Variants in PTTG1IP2 observed in about 807,000 individuals in gnomAD.
PTTG1IP2 encodes the protein PTTG1IP family member 2.
chr7:90,490,546 T>C (rs1797927012), intron 4 of PTTG1IP2, among the ~76,000 whole-genome samples: 1 of 152,076 alleles, frequency 6.6e-6, no homozygotes, highest in African/African-American at 2.4e-5. Flanking sequence ...CTTTTCCTTA[T>C]TAACATACAA....
intron 2 of PTTG1IP2, among the ~76,000 whole-genome samples, chr7:90,482,930 CA>C (rs1247671116): frequency 6.6e-6 from 1 of 152,124 alleles, no homozygotes; most frequent in East Asian, 1.9e-4. Context: ...TTATCTATTG[CA>C]CAGTTCATAG....
intron 6 of PTTG1IP2, among the ~76,000 whole-genome samples, chr7:90,509,077 T>C (rs925955120): frequency 2.6e-5 from 4 of 151,048 alleles, no homozygotes; most frequent in Non-Finnish European, 4.4e-5. Flanking sequence ...AAAGATGACA[T>C]GGAAATATAG....
intron 2 of PTTG1IP2, among the ~76,000 whole-genome samples, chr7:90,481,059 G>A (rs1213532933): frequency 6.6e-6 from 1 of 152,108 alleles, no homozygotes; most frequent in Non-Finnish European, 1.5e-5. Flanking sequence ...ATGCTGAGAG[G>A]CCCTTCATTA....
intron 6 of PTTG1IP2, among the ~76,000 whole-genome samples, chr7:90,497,765 C>T (rs1179664869): frequency 7.4e-6 from 1 of 134,838 alleles, no homozygotes; most frequent in African/African-American, 2.9e-5. Flanking sequence ...AAGAAGAAGC[C>T]GAAGTATATG....
chr7:90,491,254 A>G (rs558714381), intron 4 of PTTG1IP2, among the ~76,000 whole-genome samples: 2 of 152,362 alleles, frequency 1.3e-5, no homozygotes, highest in South Asian at 2.1e-4. Flanking sequence ...ATTGTCATCT[A>G]TTCTTTTAGC....
intron 6 of PTTG1IP2, among the ~76,000 whole-genome samples, chr7:90,497,744 A>AAAAAAAAAAAAAG (rs1562988278): frequency 7.6e-6 from 1 of 132,408 alleles, no homozygotes; most frequent in African/African-American, 3.2e-5. Flanking sequence ...AAAAAAAAAA[A>AAAAAAAAAAAAAG]GAAGAAGAAG....
At chr7:90,501,352 TAAA>T (rs1170961671) in intron 6 of PTTG1IP2, among the ~76,000 whole-genome samples, 2 of 152,182 alleles carry the variant, frequency 1.3e-5, no homozygotes, top group Non-Finnish European at 2.9e-5. Context: ...GTATTATGTC[TAAA>T]AAACAACATA....
chr7:90,501,992 C>T (rs1310448758), intron 6 of PTTG1IP2, among the ~76,000 whole-genome samples: 1 of 152,054 alleles, frequency 6.6e-6, no homozygotes, highest in Non-Finnish European at 1.5e-5. Context: ...TATTCTAAAC[C>T]CTTTGTAGTC....
chr7:90,493,232 T>C (rs1797959152), intron 5 of PTTG1IP2, among the ~76,000 whole-genome samples: 1 of 152,176 alleles, frequency 6.6e-6, no homozygotes, highest in African/African-American at 2.4e-5. Flanking sequence ...GGACCCATAC[T>C]TTGAGGTTGC....
At chr7:90,501,787 C>T (rs1798064741) in intron 6 of PTTG1IP2, among the ~76,000 whole-genome samples, 1 of 152,140 alleles carries the variant, frequency 6.6e-6, no homozygotes, top group Non-Finnish European at 1.5e-5. Context: ...GCAGCCTGAT[C>T]AGGGTGGTGG....
chr7:90,486,429 C>T (rs1020722588), intron 2 of PTTG1IP2, among the ~76,000 whole-genome samples: 9 of 150,730 alleles, frequency 6.0e-5, no homozygotes, highest in African/African-American at 2.2e-4. Context: ...CATGGTAGGC[C>T]CTATGTAAGT....
chr7:90,480,320 CTCT>C lies in PTTG1IP2; in HGVS notation c.192+1049_192+1051del, dbSNP rs1270748228. Among the ~76,000 whole-genome samples, 7 of 152,282 alleles carry C rather than the reference CTCT, an allele frequency of 4.6e-5. No individual in the cohort carries two copies. In the East Asian group the frequency reaches 1.2e-3, roughly 25 times the overall value. On this transcript the variant is annotated intron_variant, in intron 2 of 6. Coordinates refer to ENST00000509356, the MANE Select transcript of PTTG1IP2 (RefSeq NM_001365443.2). ...TTCTTTTCCCTTCAGTTTATTGGCC[CTCT>C]TCCATAGACTTCCTTCTCTTCTATG...
chr7:90,486,893 G>A (rs903269665), intron 2 of PTTG1IP2, among the ~76,000 whole-genome samples: 1 of 152,176 alleles, frequency 6.6e-6, no homozygotes, highest in Non-Finnish European at 1.5e-5. Context: ...GGGAAGATAA[G>A]CGGCAAGAGC....
At chr7:90,482,584 A>T (rs1797825513) in intron 2 of PTTG1IP2, among the ~76,000 whole-genome samples, 1 of 151,990 alleles carries the variant, frequency 6.6e-6, no homozygotes, top group South Asian at 2.1e-4. Flanking sequence ...TAGAAATAAA[A>T]TTTCAAAAAT....
At chr7:90,505,968 G>A (rs1324560566) in intron 6 of PTTG1IP2, among the ~76,000 whole-genome samples, 1 of 144,064 alleles carries the variant, frequency 6.9e-6, no homozygotes, top group African/African-American at 2.6e-5. Flanking sequence ...TCCGGCCTGG[G>A]CGACAGAGCG....
chr7:90,492,154 A>T (rs1797946030), intron 4 of PTTG1IP2, 85 bp from the exon 5 acceptor site: 1 of 152,216 alleles, frequency 6.6e-6, no homozygotes, highest in Non-Finnish European at 1.5e-5. Flanking sequence ...AAATAAAAAA[A>T]GTAGTCTATC....
intron 6 of PTTG1IP2, among the ~76,000 whole-genome samples, chr7:90,512,301 TG>T (rs763208465): frequency 3.3e-5 from 5 of 152,092 alleles, no homozygotes; most frequent in Non-Finnish European, 5.9e-5. Context: ...TTTAAAATTG[TG>T]GCACTGCTGG....
intron 6 of PTTG1IP2, among the ~76,000 whole-genome samples, chr7:90,510,519 G>A (rs188704176): frequency 1.3e-5 from 2 of 152,092 alleles, no homozygotes; most frequent in Admixed American, 6.5e-5. Context: ...GTGTGTGCAC[G>A]CACATGCATG....
chr7:90,512,326 G>T (rs753528328), intron 6 of PTTG1IP2, among the ~76,000 whole-genome samples: 3 of 152,124 alleles, frequency 2.0e-5, no homozygotes, highest in Non-Finnish European at 4.4e-5. Context: ...GAAAAGAAGG[G>T]AGTAAAATTA....
Sources: allele counts gnomAD v4.1 joint callset (sites outside exome capture counted in the v4.1 genomes callset), GRCh38; gene constraint gnomAD v4.1.1; transcripts MANE v1.5; gene names NCBI Gene and HGNC (gene_info 2026-07-23, HGNC 2026-07-21).